Variants in SPECC1 observed in about 807,000 individuals in gnomAD.
SPECC1 encodes the protein sperm antigen with calponin homology and coiled-coil domains 1.
A neutral mutation model predicts 104.1 loss-of-function variants in SPECC1; 62 were observed. The observed-to-expected ratio is 0.60, with a 90% CI of 0.49 to 0.74. SPECC1 has a LOEUF of 0.74. Among genes scored for constraint, SPECC1 ranks in the 30% least tolerant of loss-of-function variants. The pLI, the probability that SPECC1 is intolerant of heterozygous loss-of-function variation, is 0.00. For missense variants in SPECC1, 1,306 were observed against 1,310.5 expected (o/e 1.00, Z 0.05); for synonymous variants, 513 against 501.6 (o/e 1.02, Z -0.30).
At chr17:20,274,019 T>C (rs751801112) in intron 12 of SPECC1, among the ~76,000 whole-genome samples, 1 of 152,220 alleles carries the variant, frequency 6.6e-6, no homozygotes, top group Non-Finnish European at 1.5e-5. Context: ...TCCTTAAGGA[T>C]ATTAACCATT....
chr17:20,198,688 T>C (rs2151315792), intron 3 of SPECC1, among the ~76,000 whole-genome samples: 1 of 152,348 alleles, frequency 6.6e-6, no homozygotes, highest in East Asian at 1.9e-4. Flanking sequence ...CCCTCATAAG[T>C]TGGACCTCTA....
intron 13 of SPECC1, among the ~76,000 whole-genome samples, chr17:20,303,047 G>A (rs1403826357): frequency 6.6e-6 from 1 of 151,990 alleles, no homozygotes; most frequent in African/African-American, 2.4e-5. Flanking sequence ...TGATACATTT[G>A]GCAGAGACAG....
At chr17:20,155,925 C>A in intron 3 of SPECC1, 2 of 1,208,418 alleles carry the variant, frequency 1.7e-6, no homozygotes, top group Non-Finnish European at 1.0e-6. Context: ...GCCTGGCGGG[C>A]GGTGTGCAGT....
At chr17:20,207,967 C>G (rs1188239934) in intron 4 of SPECC1, among the ~76,000 whole-genome samples, 1 of 151,838 alleles carries the variant, frequency 6.6e-6, no homozygotes, top group Non-Finnish European at 1.5e-5. Context: ...GACTAAAATT[C>G]TTTGTTCATT....
intron 7 of SPECC1, chr17:20,236,763 G>T: frequency 1.3e-6 from 2 of 1,512,956 alleles, no homozygotes; most frequent in East Asian, 2.3e-5. Flanking sequence ...TTCCCTGTGG[G>T]ACAGTGTAAG....
chr17:20,117,903 G>A (rs542272258), intron 3 of SPECC1, among the ~76,000 whole-genome samples: 12 of 151,828 alleles, frequency 7.9e-5, no homozygotes, highest in East Asian at 1.9e-4. Context: ...CCAGGAGTTC[G>A]AGACCAATCT....
At chr17:20,116,341 G>T (rs552407939) in intron 3 of SPECC1, among the ~76,000 whole-genome samples, 1 of 152,082 alleles carries the variant, frequency 6.6e-6, no homozygotes, top group Non-Finnish European at 1.5e-5. Flanking sequence ...ACCCACCTTG[G>T]CCTCCCAAAG....
At chr17:20,015,784 C>A (rs1339967182) in intron 1 of SPECC1, among the ~76,000 whole-genome samples, 1 of 150,044 alleles carries the variant, frequency 6.7e-6, no homozygotes, top group Non-Finnish European at 1.5e-5. Context: ...CGGGGTTTCA[C>A]TGTGTTAACC....
At chr17:20,229,607 G>A (rs2080128165) in intron 5 of SPECC1, among the ~76,000 whole-genome samples, 1 of 152,206 alleles carries the variant, frequency 6.6e-6, no homozygotes, top group African/African-American at 2.4e-5. Flanking sequence ...CTGAAAGGCT[G>A]AGACTGCAGT....
At chr17:20,184,106 G>A (rs550335311) in intron 3 of SPECC1, among the ~76,000 whole-genome samples, 290 of 150,216 alleles carry the variant, frequency 1.9e-3, no homozygotes, top group Non-Finnish European at 3.7e-3. Context: ...GCTTGAACCC[G>A]GGAAATGGAG....
At chr17:20,036,265 G>C (rs570188870) in intron 1 of SPECC1, among the ~76,000 whole-genome samples, 1 of 152,218 alleles carries the variant, frequency 6.6e-6, no homozygotes, top group South Asian at 2.1e-4. Flanking sequence ...AAGTAGCTGG[G>C]TCTACAGGTG....
At chr17:20,300,939 T>G (rs538407694) in intron 13 of SPECC1, among the ~76,000 whole-genome samples, 1 of 152,338 alleles carries the variant, frequency 6.6e-6, no homozygotes, top group African/African-American at 2.4e-5. Flanking sequence ...TGAATTGGGT[T>G]GTGTCCCAGA....
rs77412606 is a variant in SPECC1 at position 20,277,613 on chromosome 17, T to C, written c.2940+17319T>C. Among the ~76,000 whole-genome samples, 1,062 of 152,328 alleles carry C rather than the reference T, an allele frequency of 7.0e-3. 15 individuals carry two copies. The highest frequency in any genetic ancestry group is 0.025 in the African/African-American group (1,028 of 41,576). On this transcript the variant is annotated intron_variant, in intron 12 of 14. Transcript: ENST00000395527. ...AATTTATCATTTTAACTATTTTAAG[T>C]GTACAGTTCAGGGGCATGAAGCACG... is the stretch of plus-strand genomic sequence containing the variant.
At chr17:20,255,868 G>A (rs889325099) in intron 10 of SPECC1, among the ~76,000 whole-genome samples, 1 of 151,870 alleles carries the variant, frequency 6.6e-6, no homozygotes, top group African/African-American at 2.4e-5. Flanking sequence ...CATCATGCCT[G>A]GCCAAGAAAC....
chr17:20,174,868 C>T (rs2034358902), intron 3 of SPECC1, among the ~76,000 whole-genome samples: 2 of 152,098 alleles, frequency 1.3e-5, no homozygotes, highest in African/African-American at 2.4e-5. Flanking sequence ...TGCTTCCTGG[C>T]ACCTCATTTG....
chr17:20,184,200 A>T (rs1310891026), intron 3 of SPECC1, among the ~76,000 whole-genome samples: 1 of 151,460 alleles, frequency 6.6e-6, no homozygotes, highest in Non-Finnish European at 1.5e-5. Flanking sequence ...AAAAAAAAAA[A>T]AAAGATGTAG....
At chr17:20,090,507 T>C (rs2047358271) in intron 1 of SPECC1, among the ~76,000 whole-genome samples, 1 of 151,998 alleles carries the variant, frequency 6.6e-6, no homozygotes, top group Non-Finnish European at 1.5e-5. Context: ...TGCTGCAGCC[T>C]AGATAGATAT....
chr17:20,155,036 G>A (rs2032338234), intron 3 of SPECC1, among the ~76,000 whole-genome samples: 1 of 152,178 alleles, frequency 6.6e-6, no homozygotes, highest in Admixed American at 6.5e-5. Context: ...GGAGTTAGAA[G>A]AGGGAACCAG....
At chr17:20,118,359 T>G (rs1314148041) in intron 3 of SPECC1, among the ~76,000 whole-genome samples, 1 of 152,182 alleles carries the variant, frequency 6.6e-6, no homozygotes, top group Non-Finnish European at 1.5e-5. Flanking sequence ...TGCCAACATG[T>G]ATGAGCAAGT....
Sources: gnomAD v4.1 joint callset for allele counts (sites outside exome capture counted in the v4.1 genomes callset) on GRCh38, gnomAD v4.1.1 for gene constraint, MANE v1.5 for transcripts, NCBI Gene and HGNC (gene_info 2026-07-23, HGNC 2026-07-21) for gene names.